PLEKHM2: variants seen among roughly 807,000 people sequenced by gnomAD.
PLEKHM2 encodes the protein pleckstrin homology and RUN domain containing M2.
PLEKHM2 carries 77 observed loss-of-function variants against 116.3 expected under a neutral mutation model. That is an observed-to-expected ratio of 0.66 (90% CI 0.55 to 0.80). PLEKHM2 has a LOEUF of 0.80. PLEKHM2 is among the 30% of genes least tolerant of loss of function. The pLI, the probability that PLEKHM2 is intolerant of heterozygous loss-of-function variation, is 0.00. For synonymous variants in PLEKHM2, 562 were observed against 571.0 expected, an observed-to-expected ratio of 0.98 and a Z score of 0.22; for missense variants, 1,183 against 1,354.9, an observed-to-expected ratio of 0.87 and a Z score of 1.99.
At chr1:15,696,695 G>A (rs550322828) in intron 1 of PLEKHM2, among the ~76,000 whole-genome samples, 7 of 152,270 alleles carry the variant, frequency 4.6e-5, no homozygotes, top group South Asian at 2.1e-4. Context: ...CACTCTTCTC[G>A]TCATAGGAAT....
intron 1 of PLEKHM2, among the ~76,000 whole-genome samples, chr1:15,694,441 T>G (rs1640950126): frequency 6.6e-6 from 1 of 151,980 alleles, no homozygotes; most frequent in Admixed American, 6.6e-5. Context: ...AATGAGCAAC[T>G]CTGGGCCCCG....
chr1:15,725,458 C>G lies in PLEKHM2; in HGVS notation c.854C>G (p.Thr285Ser). ...GCAGAGACTGTGTCCTCCTCTGACA[C>G]CACCCCCGTGCACACCACCTCTCAG... ...EPAETVSSSDTTPVHTTSQEK... is the reference protein window; with the variant it reads ...EPAETVSSSDSTPVHTTSQEK... The change falls in exon 8 of 20, where the codon ACC becomes AGC. Residue 285 changes from threonine (T) to serine (S), a missense_variant. Around this residue, in one of 3 missense-constraint regions of PLEKHM2, gnomAD observed 372 missense variants for 357.2 expected, o/e 1.04. Coordinates refer to ENST00000375799, the MANE Select transcript of PLEKHM2 (RefSeq NM_015164.4). 1 of 1,574,684 alleles carries G rather than the reference C, an allele frequency of 6.4e-7. No individual in the cohort carries two copies.
At chr1:15,700,423 T>C (rs1641087292) in intron 1 of PLEKHM2, among the ~76,000 whole-genome samples, 1 of 152,122 alleles carries the variant, frequency 6.6e-6, no homozygotes, top group Admixed American at 6.5e-5. Flanking sequence ...AGTACAGTAG[T>C]AGGACGCTGG....
Position 15,728,614 on chromosome 1 carries a change from G to T in PLEKHM2, c.1922-55G>T. 2.7e-6 allele frequency: 4 copies of T among 1,472,266 alleles called. No homozygotes were observed. Among genetic ancestry groups the T allele is most frequent in the South Asian group, 2.4e-5 (2 of 83,960 alleles). 91.2% of individuals were successfully genotyped at this position (1,472,266 alleles called of 1,614,324 possible). Reference sequence around the variant, plus strand: ...GGGCTGTGTCTAAGAAAATGGGGCAGGGGGAGGGAAAAGAGGCCTGTGGGG... The same window carrying T: ...GGGCTGTGTCTAAGAAAATGGGGCATGGGGAGGGAAAAGAGGCCTGTGGGG... On this transcript the variant is annotated intron_variant, in intron 11 of 19. Coordinates refer to ENST00000375799, the MANE Select transcript of PLEKHM2 (RefSeq NM_015164.4). The surrounding 1 kb of genome is among the most constrained non-coding windows in gnomAD (Gnocchi z 5.9).
chr1:15,713,314 A>G (rs969584202), intron 1 of PLEKHM2, among the ~76,000 whole-genome samples: 3 of 151,814 alleles, frequency 2.0e-5, no homozygotes, highest in African/African-American at 7.3e-5. Flanking sequence ...CTGTGTATAC[A>G]GGAAAAGAGT....
chr1:15,712,265 A>G (rs985195851), intron 1 of PLEKHM2, among the ~76,000 whole-genome samples: 1 of 152,222 alleles, frequency 6.6e-6, no homozygotes, highest in Non-Finnish European at 1.5e-5. Flanking sequence ...TTTTAATCAG[A>G]GAAGTACAAT....
intron 1 of PLEKHM2, among the ~76,000 whole-genome samples, chr1:15,715,111 C>T (rs12745403): frequency 0.22 from 33,683 of 152,096 alleles, 4,250 homozygotes; most frequent in African/African-American, 0.33. Context: ...GCCTTGCATG[C>T]ACCTAGATCC....
rs371434584 is a variant in PLEKHM2 at position 15,733,985 on chromosome 1, C to A, written c.*51C>A. ...GGGCAGGAAAGGAAGGCACGCCAGC[C>A]GGCAGGCACACTGTCACGGCTGTTG... On this transcript the variant is annotated 3_prime_UTR_variant, in exon 20 of 20. Transcript: ENST00000375799. 1 of 1,570,422 alleles carries A rather than the reference C, an allele frequency of 6.4e-7. No homozygotes were observed. The highest frequency in any genetic ancestry group is 1.2e-5 in the South Asian group (1 of 86,634).
rs746675340 is a variant in PLEKHM2, at chr1:15,728,034, C to T, written c.1761-45C>T. 14 of 1,519,086 alleles carry T rather than the reference C, an allele frequency of 9.2e-6. No homozygotes were observed. The East Asian group carries it at 3.3e-4, about 35-fold the overall frequency. The allele number at this position is 1,519,086 out of a possible 1,614,324, so 94.1% of individuals were successfully genotyped here. On this transcript the variant is annotated intron_variant, in intron 9 of 19. Coordinates refer to ENST00000375799, the MANE Select transcript of PLEKHM2 (RefSeq NM_015164.4). The surrounding 1 kb of genome is among the most constrained non-coding windows in gnomAD (Gnocchi z 5.9). ...CTGGGGTGGGGTGTGGCCTCTCTCA[C>T]CGCTGCCTGCCTGACATCTCGCCCT...
At position 15,728,333 on chromosome 1, in the gene PLEKHM2, T is replaced by G; in HGVS notation, c.1897T>G (p.Cys633Gly). ...GCTGCTGTACGTGCTGCTCACAGAC[T>G]GCTATGTCTACCTGCTCCGGAAAGG... ...LQLLYVLLTD[C>G]YVYLLRKGAT... The change falls in exon 11 of 20, where the codon TGC becomes GGC. Residue 633 changes from cysteine to glycine, a missense_variant. Around this residue, in one of 3 missense-constraint regions of PLEKHM2, gnomAD observed 594 missense variants for 720.1 expected, o/e 0.82. Coordinates refer to ENST00000375799, the MANE Select transcript of PLEKHM2 (RefSeq NM_015164.4). The surrounding 1 kb of genome is among the most constrained non-coding windows in gnomAD (Gnocchi z 5.9). 2 of 1,613,084 alleles carry G rather than the reference T, an allele frequency of 1.2e-6. No individual in the cohort carries two copies. The highest frequency in any genetic ancestry group is 1.7e-6 in the Non-Finnish European group (2 of 1,179,804).
chr1:15,727,604 G>T lies in PLEKHM2; in HGVS notation c.1532G>T (p.Gly511Val). Reference sequence around the variant, plus strand: ...GAAGAAGAGGGAGGAGGAGGAGAGGGACAGACGCCTCGGCCCCTAGAGGAT... The same window carrying T: ...GAAGAAGAGGGAGGAGGAGGAGAGGTACAGACGCCTCGGCCCCTAGAGGAT... ...GQEEEGGGGE[G>V]QTPRPLEDTT... Residue 511 changes from glycine (G) to valine (V), a missense_variant, in exon 9 of 20, where the codon GGA becomes GTA. Around this residue, in one of 3 missense-constraint regions of PLEKHM2, gnomAD observed 594 missense variants for 720.1 expected, o/e 0.82. Coordinates refer to ENST00000375799, the MANE Select transcript of PLEKHM2 (RefSeq NM_015164.4). This position sits in a 1 kb window ranked among gnomAD's most constrained non-coding sequence, Gnocchi z 7.5. 1 of 1,584,184 alleles carries T rather than the reference G, an allele frequency of 6.3e-7. No individual in the cohort carries two copies.
At chr1:15,683,498 G>C (rs1304331520), upstream of PLEKHM2, among the ~76,000 whole-genome samples, 1 of 151,216 alleles carries the variant, frequency 6.6e-6, no homozygotes, top group African/African-American at 2.4e-5. Flanking sequence ...GAGGAGGGCC[G>C]GGGTCTCAGG....
In PLEKHM2 at chr1:15,724,052, G is replaced by A. The variant is rs114410554; in HGVS notation, c.713-1265G>A. The stretch of plus-strand genomic sequence containing the variant: ...TATGGGCTGTGTGCTTCACCTGCCC[G>A]TGCTCCCTCTCCTGCCCTGTTCCAG... On this transcript the variant is annotated intron_variant, in intron 7 of 19. Transcript: ENST00000375799. Among the ~76,000 whole-genome samples the A allele has an allele frequency of 5.3e-3, 808 of 152,252 alleles. 15 individuals are homozygous for A. The highest frequency in any genetic ancestry group is 0.019 in the African/African-American group (773 of 41,554).
At chr1:15,686,647 A>ATTTTTTTTT (rs1361252513) in intron 1 of PLEKHM2, among the ~76,000 whole-genome samples, 2 of 140,876 alleles carry the variant, frequency 1.4e-5, no homozygotes. Flanking sequence ...CACCCGGCTA[A>ATTTTTTTTT]ATTTTTTTTT....
At chr1:15,718,053 A>G in intron 4 of PLEKHM2, 61 bp downstream of exon 4, 1 of 1,054,762 alleles carries the variant, frequency 9.5e-7, no homozygotes, top group Non-Finnish European at 1.4e-6. Context: ...CTACCTCCCA[A>G]AGGCTCTTGT....
intron 6 of PLEKHM2, among the ~76,000 whole-genome samples, chr1:15,720,146 A>G (rs2067971664): frequency 6.8e-6 from 1 of 147,922 alleles, no homozygotes; most frequent in Admixed American, 6.8e-5. Context: ...ATATATATAT[A>G]TATAAAATAT....
chr1:15,718,481 T>C, intron 4 of PLEKHM2, 57 bp from the exon 5 acceptor site: 1 of 1,026,450 alleles, frequency 9.7e-7, no homozygotes, highest in Non-Finnish European at 1.5e-6. Context: ...TTGGTAAGGT[T>C]AGGCCAGGCT....
chr1:15,697,103 A>G (rs1571025659), intron 1 of PLEKHM2, among the ~76,000 whole-genome samples: 1 of 152,212 alleles, frequency 6.6e-6, no homozygotes, highest in Non-Finnish European at 1.5e-5. Context: ...TGAACACGCC[A>G]GCTGAAGCTT....
At chr1:15,718,262 G>T (rs1410549993) in intron 4 of PLEKHM2, among the ~76,000 whole-genome samples, 2 of 152,224 alleles carry the variant, frequency 1.3e-5, no homozygotes, top group East Asian at 3.8e-4. Context: ...CTTTGCTGGG[G>T]TTGCTGCAGG....
Sources: allele counts gnomAD v4.1 joint callset (sites outside exome capture counted in the v4.1 genomes callset), GRCh38; gene constraint gnomAD v4.1.1; regional missense constraint gnomAD v4.1.1; non-coding constraint Gnocchi (gnomAD v3.1); transcripts MANE v1.5; gene names NCBI Gene and HGNC (gene_info 2026-07-23, HGNC 2026-07-21).